The following USP42 variants were observed in gnomAD, a reference collection of about 807,000 sequenced individuals.
USP42 encodes the protein ubiquitin carboxyl-terminal hydrolase 42.
A neutral mutation model predicts 113.0 loss-of-function variants in USP42; 23 were observed. The observed-to-expected ratio is 0.20, with a 90% CI of 0.15 to 0.29. The LOEUF (loss-of-function observed/expected upper bound fraction) is 0.29, where lower values mean the gene tolerates loss of function less well. Ranked by LOEUF, USP42 falls within the 10% of genes least tolerant of loss-of-function variation. The pLI is 1.00. For missense variants in USP42, 2,174 were observed against 1,779.8 expected, an observed-to-expected ratio of 1.22 and a Z score of -3.99; for synonymous variants, 933 against 699.0, an observed-to-expected ratio of 1.33 and a Z score of -5.28.
At chr7:6,110,620 T>A (rs1022792084) in intron 1 of USP42, among the ~76,000 whole-genome samples, 1 of 152,342 alleles carries the variant, frequency 6.6e-6, no homozygotes, top group South Asian at 2.1e-4. Context: ...AAATATAATG[T>A]ATTTCACTTG....
intron 3 of USP42, among the ~76,000 whole-genome samples, chr7:6,120,994 A>G (rs1316324171): frequency 6.6e-6 from 1 of 151,818 alleles, no homozygotes. Context: ...TTTTGATCTT[A>G]TATCTTGGAA....
At chr7:6,082,957 T>G in the USP42 span, among the ~76,000 whole-genome samples, 26 of 147,098 alleles carry the variant, frequency 1.8e-4, 2 homozygotes, top group Middle Eastern at 0.014. Context: ...ATATATTTAT[T>G]TATTTTAATT....
At chr7:6,116,550 TAAA>T (rs900796307) in intron 3 of USP42, 1 of 251,630 alleles carries the variant, frequency 4.0e-6, no homozygotes, top group African/African-American at 2.4e-5. Context: ...TACTAGGATT[TAAA>T]AAAAAAAATC....
In USP42 at chr7:6,124,408, CG is replaced by C. The variant is rs1393923205; in HGVS notation, c.442+8888del. 2.6e-5 allele frequency among the ~76,000 whole-genome samples: 4 copies of C among 151,760 alleles called. No individual in the cohort carries two copies. The East Asian group carries it at 7.8e-4, about 30-fold the overall frequency. ...TCAGCCTCCCATGTAGCTGGGACTA[CG>C]GGTGCACCACCACACCCGGCTAATT... On this transcript the variant is annotated intron_variant, in intron 3 of 17. Coordinates refer to ENST00000306177, the MANE Select transcript of USP42 (RefSeq NM_032172.3).
Position 6,157,017 on chromosome 7 carries a change from G to A in USP42, c.3905G>A (p.Ser1302Asn). 3.1e-6 allele frequency: 5 copies of A among 1,612,828 alleles called. No individual in the cohort carries two copies. Among genetic ancestry groups the A allele is most frequent in the Non-Finnish European group, 4.2e-6 (5 of 1,179,536 alleles). The change falls in exon 16 of 18, where the codon AGC becomes AAC. Residue 1302 changes from serine to asparagine, a missense_variant. Transcript: ENST00000306177. This position sits in a 1 kb window ranked among gnomAD's most constrained non-coding sequence, Gnocchi z 4.1. ...AAAACGAAACACTTACGGATGGAAA[G>A]CAGGGATGACAGGTGTCGTCTCTTT... ...REKTKHLRME[S>N]RDDRCRLFEY...
chr7:6,100,486 T>A (rs1364192942), upstream of USP42, among the ~76,000 whole-genome samples: 7 of 150,094 alleles, frequency 4.7e-5, no homozygotes, highest in Non-Finnish European at 1.0e-4. Context: ...CTTGCAACCA[T>A]GCCCGGCTAA....
intron 1 of USP42, among the ~76,000 whole-genome samples, chr7:6,105,462 C>G (rs1299788647): frequency 6.8e-6 from 1 of 146,176 alleles, no homozygotes; most frequent in African/African-American, 2.5e-5. Context: ...CCGGCGTCCC[C>G]GGCCCGCCCG....
chr7:6,100,091 G>C (rs537499878), upstream of USP42, among the ~76,000 whole-genome samples: 1 of 148,022 alleles, frequency 6.8e-6, no homozygotes, highest in African/African-American at 2.6e-5. Context: ...GGCCTCAAGC[G>C]ATCTTCCGGC....
intron 14 of USP42, among the ~76,000 whole-genome samples, chr7:6,151,243 T>C (rs550988498): frequency 1.6e-4 from 25 of 152,222 alleles, no homozygotes; most frequent in Non-Finnish European, 3.4e-4. Context: ...GGTACACTAC[T>C]GTAGACTCTG....
At position 6,114,106 on chromosome 7, in the gene USP42, C is replaced by G. The variant is rs552086737; in HGVS notation, c.242-1217C>G. ...AAAATTTTTAGGTCATAGGTAGTCTCCTCACAAGTGTGTACAGTGGTACCT... is the reference window on the plus strand; with the variant it reads ...AAAATTTTTAGGTCATAGGTAGTCTGCTCACAAGTGTGTACAGTGGTACCT... On this transcript the variant is annotated intron_variant, in intron 2 of 17. Coordinates refer to ENST00000306177, the MANE Select transcript of USP42 (RefSeq NM_032172.3). Among the ~76,000 whole-genome samples the G allele has an allele frequency of 2.6e-5, 4 of 152,222 alleles. No individual in the cohort carries two copies. In the East Asian group the frequency reaches 5.8e-4, roughly 22 times the overall value.
In USP42 at chr7:6,135,844, A is replaced by G; in HGVS notation, c.446A>G (p.His149Arg). The G allele has an allele frequency of 3.8e-6, 6 of 1,593,980 alleles. No individual in the cohort carries two copies. The highest frequency in any genetic ancestry group is 5.1e-6 in the Non-Finnish European group (6 of 1,171,552). The change falls in exon 4 of 18, where the codon CAT becomes CGT. Residue 149 changes from histidine to arginine, a missense_variant. Coordinates refer to ENST00000306177, the MANE Select transcript of USP42 (RefSeq NM_032172.3). ...MLSHEHSKTC[H>R]AEGFCMMCTM... ...AGGATTATCATCTATCTTTCAGGTC[A>G]TGCAGAAGGCTTTTGTATGATGTGT...
chr7:6,121,384 T>C (rs1204871853), intron 3 of USP42, among the ~76,000 whole-genome samples: 1 of 152,352 alleles, frequency 6.6e-6, no homozygotes, highest in East Asian at 1.9e-4. Context: ...TTATTCTATG[T>C]ATTACTGGCT....
chr7:6,126,441 C>G (rs1562819854), intron 3 of USP42, among the ~76,000 whole-genome samples: 1 of 152,082 alleles, frequency 6.6e-6, no homozygotes, highest in South Asian at 2.1e-4. Flanking sequence ...CCCACCACCA[C>G]GCCTGGCTAA....
intron 4 of USP42, among the ~76,000 whole-genome samples, chr7:6,138,742 C>G (rs2128503075): frequency 6.6e-6 from 1 of 152,292 alleles, no homozygotes; most frequent in Non-Finnish European, 1.5e-5. Context: ...GCAGCGCCAA[C>G]CCTATTGTGA....
At chr7:6,142,515 C>T (rs892724598) in intron 7 of USP42, among the ~76,000 whole-genome samples, 61 of 152,094 alleles carry the variant, frequency 4.0e-4, no homozygotes, top group African/African-American at 1.3e-3. Context: ...CACGCCCGCC[C>T]GGAAAATTTT....
At position 6,154,798 on chromosome 7, in the gene USP42, G is replaced by A. The variant is rs1030997725; in HGVS notation, c.3244G>A (p.Glu1082Lys). Residue 1082 changes from glutamate to lysine, a missense_variant, in exon 15 of 18, where the codon GAG (glutamate) becomes AAG (lysine). By Grantham distance (56) the Glu-to-Lys change is moderately conservative (BLOSUM62 1). Transcript: ENST00000306177. ...RDWKPFHGGR[E>K]HERAGLHERP... The stretch of plus-strand genomic sequence containing the variant: ...CTGGAAGCCCTTCCACGGCGGCCGC[G>A]AGCACGAGCGGGCCGGGCTGCACGA... The A allele has an allele frequency of 2.3e-5, 36 of 1,546,760 alleles. No homozygotes were observed. Among genetic ancestry groups the A allele is most frequent in the Non-Finnish European group, 3.0e-5 (34 of 1,145,244 alleles).
At chr7:6,084,382 A>G in the USP42 span, 1 of 151,230 alleles carries the variant, frequency 6.6e-6, no homozygotes, top group Non-Finnish European at 1.5e-5. Flanking sequence ...CCTTGTTGGT[A>G]TCAATATTTT....
intron 3 of USP42, among the ~76,000 whole-genome samples, chr7:6,119,061 A>AG (rs1266680692): frequency 6.6e-6 from 1 of 151,776 alleles, no homozygotes; most frequent in African/African-American, 2.4e-5. Flanking sequence ...CAAAAAAAAA[A>AG]AAAATTAGCT....
intron 7 of USP42, among the ~76,000 whole-genome samples, chr7:6,141,297 A>C (rs1562836071): frequency 7.0e-6 from 1 of 142,356 alleles, no homozygotes; most frequent in Admixed American, 7.3e-5. Flanking sequence ...CCACCTCCCG[A>C]GTTCAAGCAA....
Sources: allele counts gnomAD v4.1 joint callset (sites outside exome capture counted in the v4.1 genomes callset), GRCh38; gene constraint gnomAD v4.1.1; non-coding constraint Gnocchi (gnomAD v3.1); transcripts MANE v1.5; gene names NCBI Gene and HGNC (gene_info 2026-07-23, HGNC 2026-07-21).